TRPM6: variants seen among roughly 807,000 people sequenced by gnomAD.
The protein encoded by TRPM6 is transient receptor potential cation channel subfamily M member 6.
In TRPM6, 111 loss-of-function variants were observed where a neutral mutation model predicts 247.6. The ratio of observed to expected loss-of-function variants is 0.45; its 90% CI spans 0.38 to 0.52. The LOEUF (loss-of-function observed/expected upper bound fraction) is 0.52. TRPM6 is among the 20% of genes least tolerant of loss of function. The probability of loss-of-function intolerance (pLI) is 0.00; values close to 1 mark genes in which losing one functional copy is unlikely to be tolerated. For synonymous variants in TRPM6, 892 were observed against 853.8 expected (o/e 1.04, Z -0.78); for missense variants, 2,126 against 2,421.5 (o/e 0.88, Z 2.56).
At chr9:74,844,214 G>A (rs750731881) in intron 3 of TRPM6, among the ~76,000 whole-genome samples, 40 of 152,184 alleles carry the variant, frequency 2.6e-4, no homozygotes, top group African/African-American at 8.7e-4. Context: ...AGACTTGCTC[G>A]ATCCAAGGTT....
intron 25 of TRPM6, among the ~76,000 whole-genome samples, chr9:74,763,796 T>G (rs1234313350): frequency 6.6e-6 from 1 of 152,226 alleles, no homozygotes; most frequent in Non-Finnish European, 1.5e-5. Flanking sequence ...TTGATTCATG[T>G]AAAAGCAACA....
At chr9:74,746,855 C>T (rs1003563907) in intron 31 of TRPM6, among the ~76,000 whole-genome samples, 26 of 150,726 alleles carry the variant, frequency 1.7e-4, no homozygotes, top group South Asian at 4.2e-4. Context: ...GGGGGAGGGA[C>T]GGAGTTAGAA....
chr9:74,774,891 C>G (rs926747164), intron 24 of TRPM6, among the ~76,000 whole-genome samples: 1 of 152,194 alleles, frequency 6.6e-6, no homozygotes, highest in Non-Finnish European at 1.5e-5. Context: ...CCAAATGAGT[C>G]TTTCCCCAAT....
intron 1 of TRPM6, among the ~76,000 whole-genome samples, chr9:74,879,503 G>A (rs1831294697): frequency 6.6e-6 from 1 of 152,114 alleles, no homozygotes; most frequent in African/African-American, 2.4e-5. Flanking sequence ...TGAGGAAACA[G>A]AATTTGTCTC....
Position 74,761,699 on chromosome 9 carries a change from C to A in TRPM6, c.4782G>T (p.Val1594=). 1 of 1,594,640 alleles carries A rather than the reference C, an allele frequency of 6.3e-7. No homozygotes were observed. Among genetic ancestry groups the A allele is most frequent in the South Asian group, 1.1e-5 (1 of 90,556 alleles). ...GACAGAATAACAGTACACTTACTGGCACCTGGAGTCCTTGAGTATTCTTCT... is the reference window on the plus strand; with the variant it reads ...GACAGAATAACAGTACACTTACTGGAACCTGGAGTCCTTGAGTATTCTTCT... ...KKKKNTQGLQ[V]PIITVNACSQ... is the part of the protein sequence containing the mutation. Residue 1594 remains valine (V), a synonymous_variant, in exon 27 of 39, where the codon GTG becomes GTT. Coordinates refer to ENST00000360774, the MANE Select transcript of TRPM6 (RefSeq NM_017662.5).
intron 23 of TRPM6, among the ~76,000 whole-genome samples, chr9:74,781,536 C>CAAAAAAAAAAAAAA (rs35938872): frequency 3.2e-5 from 3 of 93,518 alleles, no homozygotes; most frequent in Admixed American, 1.3e-4. Flanking sequence ...GACTCTATCT[C>CAAAAAAAAAAAAAA]AAAAAAAAAA....
intron 23 of TRPM6, among the ~76,000 whole-genome samples, chr9:74,779,881 T>C (rs928234643): frequency 1.3e-5 from 2 of 152,178 alleles, no homozygotes; most frequent in Non-Finnish European, 2.9e-5. Flanking sequence ...ATGCATGATT[T>C]AAGAAGTGAC....
intron 1 of TRPM6, chr9:74,875,154 AC>A (rs368222614): frequency 1.7e-4 from 72 of 415,430 alleles, no homozygotes; most frequent in South Asian, 9.1e-4. Flanking sequence ...TTTTAAAACC[AC>A]CATCATCATC....
At chr9:74,744,685 C>T (rs1825975180) in intron 31 of TRPM6, among the ~76,000 whole-genome samples, 2 of 152,204 alleles carry the variant, frequency 1.3e-5, no homozygotes, top group African/African-American at 2.4e-5. Context: ...GTGTTGGGAA[C>T]ACCTCTTCCA....
Position 74,771,765 on chromosome 9 carries a change from G to A in TRPM6, c.3474C>T (p.Phe1158=). 1 of 1,613,674 alleles carries A rather than the reference G, an allele frequency of 6.2e-7. No homozygotes were observed. The highest frequency in any genetic ancestry group is 2.2e-5 in the East Asian group (1 of 44,864). ...AATTCACATCTTCCATCTTCTCATG[G>A]AAGTATTTTTCCACGCACTGCTCCT... is the stretch of plus-strand genomic sequence containing the variant. ...DFEEQCVEKY[F]HEKMEDVNCS... The change falls in exon 25 of 39, where the codon TTC becomes TTT. Residue 1158 remains phenylalanine, a synonymous_variant. Transcript: ENST00000360774.
chr9:74,808,203 A>T (rs1264717529), intron 13 of TRPM6, 29 bp from the exon 14 acceptor site: 2 of 1,613,600 alleles, frequency 1.2e-6, no homozygotes, highest in Non-Finnish European at 1.7e-6. Context: ...ACGACTTTTA[A>T]CTTTTAGTTA....
In TRPM6 at chr9:74,782,401, T is replaced by C. The variant is rs758617349; in HGVS notation, c.3170A>G (p.Gln1057Arg). 6.2e-7 allele frequency: 1 copy of C among 1,614,088 alleles called. No individual in the cohort carries two copies. The highest frequency in any genetic ancestry group is 8.5e-7 in the Non-Finnish European group (1 of 1,180,008). The stretch of plus-strand genomic sequence containing the variant: ...CAACAGGTTCACCATGATGATATAT[T>C]GCACGAAGAGGTAGACAGCTTGCAA... Reference protein sequence around the residue: ...PFLQAVYLFVQYIIMVNLLIA... With the variant: ...PFLQAVYLFVRYIIMVNLLIA... Residue 1057 changes from glutamine (Q) to arginine (R), a missense_variant, in exon 23 of 39, where the codon CAA becomes CGA. Gln to Arg is a conservative substitution (Grantham distance 43). This residue lies in a region of TRPM6 where 1,082 missense variants were observed against 1,307.9 expected (regional missense o/e 0.83). Coordinates refer to ENST00000360774, the MANE Select transcript of TRPM6 (RefSeq NM_017662.5).
At chr9:74,797,904 A>C (rs1828157739) in intron 17 of TRPM6, among the ~76,000 whole-genome samples, 1 of 152,206 alleles carries the variant, frequency 6.6e-6, no homozygotes, top group Admixed American at 6.5e-5. Flanking sequence ...ATCTAAAAGT[A>C]TACCGTCACC....
intron 13 of TRPM6, 145 bp downstream of exon 13, chr9:74,810,670 G>A: frequency 1.3e-6 from 1 of 746,800 alleles, no homozygotes; most frequent in South Asian, 1.5e-5. Context: ...GTTTGTTGAT[G>A]AACTTGTTCA....
chr9:74,752,010 C>A (rs1449068656), intron 29 of TRPM6, among the ~76,000 whole-genome samples: 1 of 152,212 alleles, frequency 6.6e-6, no homozygotes, highest in African/African-American at 2.4e-5. Context: ...CTCCTGAATT[C>A]TTTCTCTCTC....
chr9:74,865,440 AAAGGG>A (rs1830817387), intron 1 of TRPM6, among the ~76,000 whole-genome samples: 1 of 152,240 alleles, frequency 6.6e-6, no homozygotes, highest in Non-Finnish European at 1.5e-5. Flanking sequence ...ATTCTGATAA[AAAGGG>A]AAGAGGAAAT....
intron 28 of TRPM6, 129 bp downstream of exon 28, chr9:74,755,224 A>G: frequency 9.7e-7 from 1 of 1,030,390 alleles, no homozygotes; most frequent in Non-Finnish European, 1.5e-6. Flanking sequence ...TTCCTTACAG[A>G]GTGTAGCCAT....
intron 5 of TRPM6, among the ~76,000 whole-genome samples, chr9:74,837,135 C>T (rs1250256402): frequency 6.6e-6 from 1 of 152,196 alleles, no homozygotes; most frequent in Non-Finnish European, 1.5e-5. Context: ...ATTCTTAAGG[C>T]TTGTGGCATT....
At chr9:74,741,322 T>C (rs920401513) in intron 33 of TRPM6, among the ~76,000 whole-genome samples, 19 of 151,728 alleles carry the variant, frequency 1.3e-4, no homozygotes, top group African/African-American at 4.4e-4. Context: ...TTTGCTTCTA[T>C]ATATATATAG....
Sources: gnomAD v4.1 joint callset for allele counts (sites outside exome capture counted in the v4.1 genomes callset) on GRCh38, gnomAD v4.1.1 for gene constraint, gnomAD v4.1.1 regional missense constraint, MANE v1.5 for transcripts, NCBI Gene and HGNC (gene_info 2026-07-23, HGNC 2026-07-21) for gene names.